MTPAP: variants seen among roughly 807,000 people sequenced by gnomAD.
MTPAP encodes poly(A) RNA polymerase, mitochondrial.
In MTPAP, 23 loss-of-function variants were observed where a neutral mutation model predicts 48.7. That is an observed-to-expected ratio of 0.47 (90% confidence interval 0.34 to 0.67). MTPAP has a LOEUF of 0.67. MTPAP is among the 30% of genes least tolerant of loss of function. MTPAP has a pLI of 0.01. For synonymous variants in MTPAP, 257 were observed against 254.1 expected, an observed-to-expected ratio of 1.01 and a Z score of -0.11; for missense variants, 614 against 694.3, an observed-to-expected ratio of 0.88 and a Z score of 1.30.
chr10:30,344,588 A>G (rs1834849480), intron 1 of MTPAP, among the ~76,000 whole-genome samples: 2 of 152,200 alleles, frequency 1.3e-5, no homozygotes, highest in African/African-American at 4.8e-5. Flanking sequence ...GGCTCTGCCT[A>G]GACCACCTTA....
intron 2 of MTPAP, among the ~76,000 whole-genome samples, chr10:30,341,251 T>A (rs1303437766): frequency 6.6e-6 from 1 of 152,140 alleles, no homozygotes; most frequent in Non-Finnish European, 1.5e-5. Flanking sequence ...ATTCAAATAA[T>A]GAAATCAGTC....
intron 1 of MTPAP, among the ~76,000 whole-genome samples, chr10:30,347,897 GAA>G (rs34708356): frequency 0.85 from 127,858 of 150,536 alleles, 54,279 homozygotes; most frequent in East Asian, 0.89. Context: ...TCCCGAAAAA[GAA>G]AAAAAAAAAA....
chr10:30,330,543 T>C lies in MTPAP; in HGVS notation c.781-3908A>G, dbSNP rs540181792. 3.3e-5 allele frequency among the ~76,000 whole-genome samples: 5 copies of C among 152,306 alleles called. No homozygotes were observed. The South Asian group carries it at 1.0e-3, about 32-fold the overall frequency. On this transcript the variant is annotated intron_variant, in intron 4 of 8. Transcript: ENST00000263063. ...TACTATAAATGAGAGAATAAAATCC[T>C]TGAGGTAACAGAAGTGAAAATGACA...
intron 5 of MTPAP, among the ~76,000 whole-genome samples, chr10:30,323,451 C>CAAAAAA (rs755342499): frequency 1.2e-5 from 1 of 84,712 alleles, no homozygotes; most frequent in African/African-American, 5.3e-5. Flanking sequence ...GACCCTGCCT[C>CAAAAAA]AAAAAAAAAA....
chr10:30,313,062 A>G lies in MTPAP; in HGVS notation c.*547T>C, dbSNP rs1203359028. 3.2e-5 allele frequency: 5 copies of G among 155,148 alleles called. No individual in the cohort carries two copies. Among genetic ancestry groups the G allele is most frequent in the Non-Finnish European group, 7.1e-5 (5 of 69,982 alleles). The allele number at this position is 155,148 out of a possible 1,614,324, so 9.6% of individuals were successfully genotyped here. ...ATATACATATTCGAGAGCACTACCA[A>G]ATTTTGAAGCTTAATGTATTCATTG... is the stretch of plus-strand genomic sequence containing the variant. On this transcript the variant is annotated 3_prime_UTR_variant, in exon 9 of 9. Transcript: ENST00000263063.
intron 6 of MTPAP, among the ~76,000 whole-genome samples, chr10:30,319,731 G>A (rs998327484): frequency 2.6e-5 from 4 of 152,204 alleles, no homozygotes; most frequent in African/African-American, 9.7e-5. Context: ...CATAGGTGAT[G>A]GAAGGCAAAA....
intron 8 of MTPAP, among the ~76,000 whole-genome samples, chr10:30,315,076 C>T (rs1428094312): frequency 6.6e-6 from 1 of 152,106 alleles, no homozygotes; most frequent in Non-Finnish European, 1.5e-5. Context: ...TATTCCCTAA[C>T]TTATTTCATG....
intron 6 of MTPAP, among the ~76,000 whole-genome samples, chr10:30,321,996 C>CGAA (rs1190388248): frequency 6.6e-6 from 1 of 152,150 alleles, no homozygotes; most frequent in African/African-American, 2.4e-5. Context: ...TGAAACATCA[C>CGAA]GAAGCAGTTT....
At chr10:30,335,457 G>A (rs1445730364) in intron 4 of MTPAP, among the ~76,000 whole-genome samples, 13 of 152,122 alleles carry the variant, frequency 8.5e-5, no homozygotes, top group Non-Finnish European at 4.4e-5. Context: ...CCGTACTTCA[G>A]CCTAGGCAAC....
At chr10:30,339,480 C>CAAA (rs34169013) in intron 3 of MTPAP, among the ~76,000 whole-genome samples, 5 of 92,268 alleles carry the variant, frequency 5.4e-5, no homozygotes, top group African/African-American at 2.0e-4. Context: ...GACTCCATCT[C>CAAA]AAAAAAAAAA....
At chr10:30,318,781 CTATGAACCCAAT>C (rs1274975516) in intron 6 of MTPAP, among the ~76,000 whole-genome samples, 1 of 152,192 alleles carries the variant, frequency 6.6e-6, no homozygotes, top group East Asian at 1.9e-4. Context: ...TGAACTCCTA[CTATGAACCCAAT>C]ACTATTCCGA....
intron 4 of MTPAP, among the ~76,000 whole-genome samples, chr10:30,329,912 GA>G (rs10713085): frequency 0.14 from 20,622 of 151,044 alleles, 1,919 homozygotes; most frequent in East Asian, 0.47. Flanking sequence ...ACTAATGGGG[GA>G]AAAAAAATGA....
Position 30,340,443 on chromosome 10 carries a change from T to TAG in MTPAP, c.336_337dup (p.Tyr113SerfsTer5). On this transcript the variant is annotated frameshift_variant, in exon 3 of 9. Coordinates refer to ENST00000263063, the MANE Select transcript of MTPAP (RefSeq NM_018109.4). LOFTEE classifies it high-confidence loss of function. ...CTTTTGGCAAAATTCTACGACAGCATAGAGACCCTATACCAAAAACATAAG... is the reference window on the plus strand; with the variant it reads ...CTTTTGGCAAAATTCTACGACAGCATAGAGAGACCCTATACCAAAAACATAAG... The TAG allele has an allele frequency of 6.2e-7, 1 of 1,613,114 alleles. No individual in the cohort carries two copies. Among genetic ancestry groups the TAG allele is most frequent in the Non-Finnish European group, 8.5e-7 (1 of 1,179,040 alleles).
intron 4 of MTPAP, among the ~76,000 whole-genome samples, chr10:30,330,855 G>A (rs756148909): frequency 1.3e-4 from 20 of 152,204 alleles, no homozygotes; most frequent in Admixed American, 2.0e-4. Flanking sequence ...TGATGGTAGC[G>A]CAGGTGGAGA....
intron 5 of MTPAP, among the ~76,000 whole-genome samples, chr10:30,324,528 T>C (rs137982260): frequency 4.6e-5 from 7 of 151,926 alleles, no homozygotes; most frequent in African/African-American, 1.7e-4. Context: ...CACTTCAGCC[T>C]GGGCAACAGA....
chr10:30,337,669 T>A (rs1474757626), intron 3 of MTPAP, among the ~76,000 whole-genome samples: 3 of 152,226 alleles, frequency 2.0e-5, no homozygotes, highest in South Asian at 2.1e-4. Context: ...TAAAACTTTG[T>A]AAGCGATGAG....
intron 5 of MTPAP, among the ~76,000 whole-genome samples, chr10:30,324,053 C>T (rs1444995755): frequency 6.6e-6 from 1 of 152,100 alleles, no homozygotes; most frequent in Non-Finnish European, 1.5e-5. Context: ...TGGTGTCGCA[C>T]ACCTGTAGGC....
At chr10:30,318,756 T>C (rs895167676) in intron 6 of MTPAP, among the ~76,000 whole-genome samples, 1 of 152,232 alleles carries the variant, frequency 6.6e-6, no homozygotes, top group African/African-American at 2.4e-5. Flanking sequence ...TCCAATCATT[T>C]TGAAATCTAC....
chr10:30,322,953 C>A (rs889157727), intron 5 of MTPAP, among the ~76,000 whole-genome samples: 1 of 150,778 alleles, frequency 6.6e-6, no homozygotes, highest in African/African-American at 2.4e-5. Context: ...CGAGGTGAAA[C>A]CCCTTCTCTA....
Sources: gnomAD v4.1 joint callset for allele counts (sites outside exome capture counted in the v4.1 genomes callset) on GRCh38, gnomAD v4.1.1 for gene constraint, MANE v1.5 for transcripts, NCBI Gene and HGNC (gene_info 2026-07-23, HGNC 2026-07-21) for gene names.